The following GRIP1 variants were observed in gnomAD, a reference collection of about 807,000 sequenced individuals.
The protein encoded by GRIP1 is glutamate receptor-interacting protein 1.
A neutral mutation model predicts 129.9 loss-of-function variants in GRIP1; 45 were observed. The observed-to-expected ratio is 0.35, with a 90% CI of 0.27 to 0.44. The LOEUF (loss-of-function observed/expected upper bound fraction) is 0.44. Ranked by LOEUF, GRIP1 falls within the 20% of genes least tolerant of loss-of-function variation. The pLI, the probability that GRIP1 is intolerant of heterozygous loss-of-function variation, is 1.00. For synonymous variants in GRIP1, 530 were observed against 520.8 expected (o/e 1.02, Z -0.24); for missense variants, 1,196 against 1,396.8 (o/e 0.86, Z 2.29).
chr12:66,893,116 A>G (rs906358261), intron 1 of GRIP1, among the ~76,000 whole-genome samples: 7 of 152,130 alleles, frequency 4.6e-5, no homozygotes, highest in African/African-American at 1.4e-4. Flanking sequence ...CTCCATCACT[A>G]TGATTTTTCC....
chr12:66,582,006 A>G (rs1469469973), intron 2 of GRIP1, among the ~76,000 whole-genome samples: 2 of 152,246 alleles, frequency 1.3e-5, no homozygotes, highest in African/African-American at 4.8e-5. Context: ...AAAATCCTCA[A>G]TAAAATACTG....
At chr12:66,753,312 A>T (rs1302627385) in intron 1 of GRIP1, among the ~76,000 whole-genome samples, 1 of 146,086 alleles carries the variant, frequency 6.8e-6, no homozygotes, top group Non-Finnish European at 1.5e-5. Flanking sequence ...ATCATAGAAA[A>T]TAAAATGTGA....
chr12:67,031,610 T>C (rs2043023887), intron 1 of GRIP1, among the ~76,000 whole-genome samples: 1 of 152,308 alleles, frequency 6.6e-6, no homozygotes, highest in Non-Finnish European at 1.5e-5. Flanking sequence ...AAGGCAATCC[T>C]GAACCCATCA....
intron 6 of GRIP1, among the ~76,000 whole-genome samples, chr12:66,517,390 G>A (rs907524023): frequency 5.0e-4 from 76 of 151,738 alleles, no homozygotes; most frequent in African/African-American, 1.6e-3. Flanking sequence ...TCCATTTTAC[G>A]GAAAGTCACT....
chr12:66,745,590 T>A (rs1421801464), intron 1 of GRIP1, among the ~76,000 whole-genome samples: 1 of 152,142 alleles, frequency 6.6e-6, no homozygotes, highest in African/African-American at 2.4e-5. Context: ...AGGAGAATTA[T>A]GCAAAGCACT....
At chr12:66,531,251 AAATATATATATATATATATATATATAT>A (rs1475700268) in intron 4 of GRIP1, among the ~76,000 whole-genome samples, 587 of 39,772 alleles carry the variant, frequency 0.015, 49 homozygotes, top group African/African-American at 0.054. Flanking sequence ...AAAAAAAAAA[AAATATATATATATATATATATATATAT>A]ATATATATAT....
chr12:67,068,942 C>T (rs1301439758), intron 1 of GRIP1: 3 of 354,690 alleles, frequency 8.5e-6, no homozygotes, highest in Admixed American at 6.5e-5. Flanking sequence ...CGGCGCCCCT[C>T]CCCCGTCGGC....
chr12:66,757,603 A>AAT (rs1298328121), intron 1 of GRIP1, among the ~76,000 whole-genome samples: 9 of 152,182 alleles, frequency 5.9e-5, no homozygotes, highest in Non-Finnish European at 1.3e-4. Context: ...TTCTTTTGGT[A>AAT]ATATACCTAG....
chr12:67,006,377 C>A (rs1189284556), intron 1 of GRIP1, among the ~76,000 whole-genome samples: 2 of 152,022 alleles, frequency 1.3e-5, no homozygotes, highest in African/African-American at 4.8e-5. Context: ...CCAGCCAGGG[C>A]AACATAGTGA....
At chr12:66,384,443 G>A (rs975653596) in intron 19 of GRIP1, among the ~76,000 whole-genome samples, 9 of 152,222 alleles carry the variant, frequency 5.9e-5, no homozygotes, top group South Asian at 2.1e-4. Flanking sequence ...GAGATATTCC[G>A]GGTATGTGTA....
chr12:66,521,022 G>A (rs150144488), intron 5 of GRIP1, among the ~76,000 whole-genome samples: 1 of 152,200 alleles, frequency 6.6e-6, no homozygotes, highest in Non-Finnish European at 1.5e-5. Context: ...AATGGTTAGG[G>A]TAAATGATCT....
chr12:66,853,535 G>T (rs536984660), intron 1 of GRIP1, among the ~76,000 whole-genome samples: 1 of 152,092 alleles, frequency 6.6e-6, no homozygotes, highest in African/African-American at 2.4e-5. Context: ...ATCTGCTGCC[G>T]CACAGGAGTT....
chr12:66,542,187 A>AAATG (rs397727247), intron 2 of GRIP1, among the ~76,000 whole-genome samples: 1 of 151,976 alleles, frequency 6.6e-6, no homozygotes, highest in African/African-American at 2.4e-5. Context: ...GGTTGACAAT[A>AAATG]GTCCAAATTG....
intron 15 of GRIP1, among the ~76,000 whole-genome samples, chr12:66,410,557 C>T (rs1051016318): frequency 4.6e-5 from 7 of 151,726 alleles, no homozygotes; most frequent in South Asian, 2.1e-4. Flanking sequence ...GCAGGAGAAT[C>T]GCTTGAACCC....
chr12:66,947,512 A>C (rs2041691898), intron 1 of GRIP1, among the ~76,000 whole-genome samples: 1 of 152,194 alleles, frequency 6.6e-6, no homozygotes, highest in African/African-American at 2.4e-5. Flanking sequence ...AAAAAGAGTA[A>C]AAACTTTGAA....
chr12:66,817,436 T>C (rs2039242213), intron 1 of GRIP1, among the ~76,000 whole-genome samples: 1 of 151,798 alleles, frequency 6.6e-6, no homozygotes, highest in Non-Finnish European at 1.5e-5. Flanking sequence ...TGGGATGGAG[T>C]CTTTCTCTTG....
chr12:67,044,720 C>T (rs2043227950), intron 1 of GRIP1, among the ~76,000 whole-genome samples: 1 of 152,042 alleles, frequency 6.6e-6, no homozygotes, highest in Non-Finnish European at 1.5e-5. Flanking sequence ...AATTTAAACA[C>T]ATTCTAATCC....
At chr12:66,722,022 T>C (rs2036073721) in intron 1 of GRIP1, among the ~76,000 whole-genome samples, 1 of 152,214 alleles carries the variant, frequency 6.6e-6, no homozygotes. Flanking sequence ...GCTGGTTTGT[T>C]CTCTCCAAAC....
intron 1 of GRIP1, among the ~76,000 whole-genome samples, chr12:66,874,820 TCC>T (rs2040355953): frequency 6.6e-6 from 1 of 151,978 alleles, no homozygotes; most frequent in African/African-American, 2.4e-5. Context: ...GGATTACTGT[TCC>T]CCAGTGGGAA....
Sources: allele counts gnomAD v4.1 joint callset (sites outside exome capture counted in the v4.1 genomes callset), GRCh38; gene constraint gnomAD v4.1.1; transcripts MANE v1.5; gene names NCBI Gene and HGNC (gene_info 2026-07-23, HGNC 2026-07-21).